Variants in AGPAT4 observed in about 807,000 individuals in gnomAD.
AGPAT4 encodes 1-acyl-sn-glycerol-3-phosphate acyltransferase delta.
AGPAT4 carries 15 observed loss-of-function variants against 48.0 expected under a neutral mutation model. That is an observed-to-expected ratio of 0.31 (90% confidence interval 0.21 to 0.48). AGPAT4 has a LOEUF of 0.48. AGPAT4 is among the 20% of genes least tolerant of loss of function. AGPAT4 has a pLI of 0.99. For missense variants in AGPAT4, 314 were observed against 482.5 expected, an observed-to-expected ratio of 0.65 and a Z score of 3.27; for synonymous variants, 178 against 198.7, an observed-to-expected ratio of 0.90 and a Z score of 0.88.
chr6:161,136,745 G>C, intron 8 of AGPAT4, 111 bp from the exon 9 acceptor site: 3 of 855,584 alleles, frequency 3.5e-6, no homozygotes, highest in Admixed American at 2.2e-5. Context: ...CGCCAGCTCA[G>C]AGCTGGCTGG....
chr6:161,137,942 TTC>T lies in AGPAT4; in HGVS notation c.1043-1310_1043-1309del, dbSNP rs1308786960. ...ACTGCACCCTGGGCAGTGCTCAGGC[TTC>T]TTTTTTTGGTACTCGCTACACAGCT... On this transcript the variant is annotated intron_variant, in intron 8 of 8. Transcript: ENST00000320285. The surrounding 1 kb of genome is among the most constrained non-coding windows in gnomAD (Gnocchi z 6.1). Among the ~76,000 whole-genome samples, 1 of 152,194 alleles carries T rather than the reference TTC, an allele frequency of 6.6e-6. No individual in the cohort carries two copies. The highest frequency in any genetic ancestry group is 1.5e-5 in the Non-Finnish European group (1 of 68,042).
rs1296782667 is a variant in AGPAT4, at chr6:161,130,718, T to A, written c.*5822A>T. ...CTGGGCCAGCCTTGCTGTGTTTGCCTCAGATGCGAGTAAGGAAGCTCCAGT... is the reference window on the plus strand; with the variant it reads ...CTGGGCCAGCCTTGCTGTGTTTGCCACAGATGCGAGTAAGGAAGCTCCAGT... On this transcript the variant is annotated 3_prime_UTR_variant, in exon 9 of 9. Transcript: ENST00000320285. 1 of 390,814 alleles carries A rather than the reference T, an allele frequency of 2.6e-6. No homozygotes were observed. The highest frequency in any genetic ancestry group is 5.3e-6 in the Non-Finnish European group (1 of 190,428). The allele number at this position is 390,814 out of a possible 1,614,324, so 24.2% of individuals were successfully genotyped here.
intron 3 of AGPAT4, among the ~76,000 whole-genome samples, chr6:161,156,254 G>A (rs999876510): frequency 2.0e-5 from 3 of 152,142 alleles, no homozygotes; most frequent in Non-Finnish European, 4.4e-5. Flanking sequence ...TACTGCCCTC[G>A]GGACAAGCCT....
At chr6:161,181,876 T>C (rs1780606904) in intron 2 of AGPAT4, among the ~76,000 whole-genome samples, 1 of 152,052 alleles carries the variant, frequency 6.6e-6, no homozygotes, top group African/African-American at 2.4e-5. Flanking sequence ...GGGACAAAAA[T>C]TGGTTCTTGG....
At position 161,225,252 on chromosome 6, in the gene AGPAT4, G is replaced by C. The variant is rs764037051; in HGVS notation, c.178+6784C>G. On this transcript the variant is annotated intron_variant, in intron 2 of 8. Transcript: ENST00000320285. This position sits in a 1 kb window ranked among gnomAD's most constrained non-coding sequence, Gnocchi z 5.0. ...TTTTTCCCGCCAAACCACTCACCCC[G>C]TCACTCTCTTTAAATTAGCCAATCA... Among the ~76,000 whole-genome samples the C allele has an allele frequency of 6.6e-6, 1 of 151,988 alleles. No individual in the cohort carries two copies. Among genetic ancestry groups the C allele is most frequent in the Admixed American group, 6.6e-5 (1 of 15,258 alleles).
In AGPAT4 at chr6:161,131,447, C is replaced by G. The variant is rs1440599639; in HGVS notation, c.*5093G>C. ...ACAAATTACTCAAGTTTATTTTGGC[C>G]TAATTATTCTTAAGAAAGGTGGTTC... On this transcript the variant is annotated 3_prime_UTR_variant, in exon 9 of 9. Transcript: ENST00000320285. The G allele has an allele frequency of 1.3e-5, 2 of 152,448 alleles. No homozygotes were observed. Among genetic ancestry groups the G allele is most frequent in the Non-Finnish European group, 2.9e-5 (2 of 68,254 alleles). The allele number at this position is 152,448 out of a possible 1,614,324, so 9.4% of individuals were successfully genotyped here.
In AGPAT4 at chr6:161,139,732, C is replaced by T. The variant is rs545259783; in HGVS notation, c.844-112G>A. On this transcript the variant is annotated intron_variant, in intron 7 of 8. Coordinates refer to ENST00000320285, the MANE Select transcript of AGPAT4 (RefSeq NM_020133.3). This position sits in a 1 kb window ranked among gnomAD's most constrained non-coding sequence, Gnocchi z 9.1. Reference sequence around the variant, plus strand: ...GAGATACACAGGTGCCACCGGGGCTCGGCAGAACTGGGGTCTGCAGCTCCT... The same window carrying T: ...GAGATACACAGGTGCCACCGGGGCTTGGCAGAACTGGGGTCTGCAGCTCCT... 65 of 923,518 alleles carry T rather than the reference C, an allele frequency of 7.0e-5. No individual in the cohort carries two copies. In the African/African-American group the frequency reaches 7.1e-4, roughly 10 times the overall value. 57.2% of individuals were successfully genotyped at this position (923,518 alleles called of 1,614,324 possible). A position where few individuals can be genotyped will look rare whatever the true frequency, so the allele number is the denominator to read the frequency against.
Position 161,202,167 on chromosome 6 carries a change from T to C in AGPAT4, c.178+29869A>G, listed in dbSNP as rs1453206840. Among the ~76,000 whole-genome samples the C allele has an allele frequency of 6.6e-6, 1 of 152,154 alleles. No homozygotes were observed. The highest frequency in any genetic ancestry group is 1.9e-4 in the East Asian group (1 of 5,178). On this transcript the variant is annotated intron_variant, in intron 2 of 8. Transcript: ENST00000320285. This position sits in a 1 kb window ranked among gnomAD's most constrained non-coding sequence, Gnocchi z 5.4. The stretch of plus-strand genomic sequence containing the variant: ...GGCCCAAAATAACAAAAACACTTAT[T>C]ATCTCCGACAGTTTCTGAAGGTGGA...
At position 161,146,734 on chromosome 6, in the gene AGPAT4, G is replaced by GTGAT; in HGVS notation, c.768-139_768-136dup. 1.3e-6 allele frequency: 1 copy of GTGAT among 769,818 alleles called. No homozygotes were observed. 47.7% of individuals were successfully genotyped at this position (769,818 alleles called of 1,614,324 possible). ...TGTGGAACTGAAGAGAGTAATGCAAGTGATAGAAAGAAGGGGCGTTCCACA... is the reference window on the plus strand; with the variant it reads ...TGTGGAACTGAAGAGAGTAATGCAAGTGATTGATAGAAAGAAGGGGCGTTCCACA... On this transcript the variant is annotated intron_variant, in intron 6 of 8. Coordinates refer to ENST00000320285, the MANE Select transcript of AGPAT4 (RefSeq NM_020133.3). This position sits in a 1 kb window ranked among gnomAD's most constrained non-coding sequence, Gnocchi z 7.1.
rs1465398986 is a variant in AGPAT4, at chr6:161,238,088, G to A, written c.-89-5786C>T. Among the ~76,000 whole-genome samples the A allele has an allele frequency of 9.2e-6, 1 of 109,136 alleles. No homozygotes were observed. 71.6% of individuals were successfully genotyped at this position (109,136 alleles called of 152,430 possible). ...GGGGTGGGGGGGTAATGGGGGGGTTGGGGGGCGGGAGGCAGAATGCAGCAT... is the reference window on the plus strand; with the variant it reads ...GGGGTGGGGGGGTAATGGGGGGGTTAGGGGGCGGGAGGCAGAATGCAGCAT... On this transcript the variant is annotated intron_variant, in intron 1 of 8. Coordinates refer to ENST00000320285, the MANE Select transcript of AGPAT4 (RefSeq NM_020133.3). The surrounding 1 kb of genome is among the most constrained non-coding windows in gnomAD (Gnocchi z 5.2).
intron 3 of AGPAT4, among the ~76,000 whole-genome samples, chr6:161,163,729 T>C (rs1583294455): frequency 6.6e-6 from 1 of 152,200 alleles, no homozygotes; most frequent in Admixed American, 6.5e-5. Flanking sequence ...GTTTCTGTGG[T>C]GTTTGGAGAA....
chr6:161,262,627 C>G lies in AGPAT4; in HGVS notation c.-90+11311G>C, dbSNP rs3896164. ...CTCTTAGGGGCTGAGTTCTCCCCTT[C>G]TGACCCACTGCAAGCTCTACCCCAC... On this transcript the variant is annotated intron_variant, in intron 1 of 8. Coordinates refer to ENST00000320285, the MANE Select transcript of AGPAT4 (RefSeq NM_020133.3). The surrounding 1 kb of genome is among the most constrained non-coding windows in gnomAD (Gnocchi z 4.9). 6.6e-6 allele frequency among the ~76,000 whole-genome samples: 1 copy of G among 152,314 alleles called. No individual in the cohort carries two copies. Among genetic ancestry groups the G allele is most frequent in the South Asian group, 2.1e-4 (1 of 4,830 alleles).
intron 2 of AGPAT4, among the ~76,000 whole-genome samples, chr6:161,185,911 T>A (rs886828583): frequency 6.6e-6 from 1 of 152,226 alleles, no homozygotes. Flanking sequence ...CAATGCAATT[T>A]GAAAATACTT....
At chr6:161,173,942 G>C (rs1472155515) in intron 2 of AGPAT4, among the ~76,000 whole-genome samples, 1 of 152,180 alleles carries the variant, frequency 6.6e-6, no homozygotes, top group Non-Finnish European at 1.5e-5. Context: ...GTTTGTCAAA[G>C]ATCAGATGGT....
chr6:161,175,256 C>T (rs1418092140), intron 2 of AGPAT4, among the ~76,000 whole-genome samples: 8 of 152,026 alleles, frequency 5.3e-5, no homozygotes, highest in Non-Finnish European at 2.9e-5. Flanking sequence ...TGGTAGAATT[C>T]GGCTGTGAAT....
Position 161,163,566 on chromosome 6 carries a change from A to G in AGPAT4, c.348+2682T>C, listed in dbSNP as rs79031555. Among the ~76,000 whole-genome samples the G allele has an allele frequency of 2.0e-5, 3 of 152,194 alleles. No individual in the cohort carries two copies. The East Asian group carries it at 5.8e-4, about 29-fold the overall frequency. ...AGATGGCAAAGCTGTTCCCTGTGACATGGGGAGGGGGTTCCCTGGGAGGGT... is the reference window on the plus strand; with the variant it reads ...AGATGGCAAAGCTGTTCCCTGTGACGTGGGGAGGGGGTTCCCTGGGAGGGT... On this transcript the variant is annotated intron_variant, in intron 3 of 8. Transcript: ENST00000320285.
chr6:161,211,086 C>CT (rs1246644212), intron 2 of AGPAT4, among the ~76,000 whole-genome samples: 1 of 152,154 alleles, frequency 6.6e-6, no homozygotes, highest in African/African-American at 2.4e-5. Context: ...TACGTCAAAT[C>CT]TTTTTCACGG....
At chr6:161,152,684 C>T (rs1779627113) in intron 5 of AGPAT4, among the ~76,000 whole-genome samples, 1 of 152,178 alleles carries the variant, frequency 6.6e-6, no homozygotes, top group South Asian at 2.1e-4. Flanking sequence ...TTCTAGCTCC[C>T]TCCAGGAAGG....
In AGPAT4 at chr6:161,189,395, G is replaced by A. The variant is rs2114999810; in HGVS notation, c.179-22978C>T. 6.6e-6 allele frequency among the ~76,000 whole-genome samples: 1 copy of A among 152,336 alleles called. No homozygotes were observed. Among genetic ancestry groups the A allele is most frequent in the Non-Finnish European group, 1.5e-5 (1 of 68,034 alleles). ...ACGAACAGGATGGAGGAGCAGGGAA[G>A]AGGAGGAAGGCATTGAGGAATCGGG... On this transcript the variant is annotated intron_variant, in intron 2 of 8. Transcript: ENST00000320285. This position sits in a 1 kb window ranked among gnomAD's most constrained non-coding sequence, Gnocchi z 5.3.
Sources: gnomAD v4.1 joint callset for allele counts (sites outside exome capture counted in the v4.1 genomes callset) on GRCh38, gnomAD v4.1.1 for gene constraint, Gnocchi (gnomAD v3.1) non-coding constraint, MANE v1.5 for transcripts, NCBI Gene and HGNC (gene_info 2026-07-23, HGNC 2026-07-21) for gene names.